The following DLL4 variants were observed in gnomAD, a reference collection of about 807,000 sequenced individuals.
DLL4 encodes delta like canonical Notch ligand 4.
Under a neutral mutation model 73.6 loss-of-function variants are expected in DLL4, and 7 were observed. The ratio of observed to expected loss-of-function variants is 0.10; its 90% CI spans 0.05 to 0.18. The LOEUF (loss-of-function observed/expected upper bound fraction) is 0.18, where lower values mean the gene tolerates loss of function less well. Ranked by LOEUF, DLL4 falls within the 10% of genes least tolerant of loss-of-function variation. The pLI, the probability that DLL4 is intolerant of heterozygous loss-of-function variation, is 1.00. For missense variants in DLL4, 614 were observed against 929.9 expected (o/e 0.66, Z 4.42); for synonymous variants, 345 against 374.3 (o/e 0.92, Z 0.90).
chr15:40,936,381 C>T lies in DLL4; in HGVS notation c.1394C>T (p.Thr465Ile), dbSNP rs974074895. 1.9e-6 allele frequency: 3 copies of T among 1,611,504 alleles called. No individual in the cohort carries two copies. The highest frequency in any genetic ancestry group is 2.7e-5 in the African/African-American group (2 of 74,912). ...GACCTGGAGAATGGGCTCATGTGCA[C>T]CTGCCCTGCCGGCTTCTCTGGCCGA... is the stretch of plus-strand genomic sequence containing the variant. ...CHDLENGLMC[T>I]CPAGFSGRRC... is the part of the protein sequence containing the mutation. Residue 465 changes from threonine (T) to isoleucine (I), a missense_variant, in exon 9 of 11, where the codon ACC becomes ATC. Around this residue, in one of 3 missense-constraint regions of DLL4, gnomAD observed 386 missense variants for 541.3 expected, o/e 0.71. Transcript: ENST00000249749.
intron 8 of DLL4, among the ~76,000 whole-genome samples, chr15:40,935,985 T>C (rs1892838361): frequency 6.6e-6 from 1 of 152,236 alleles, no homozygotes; most frequent in Non-Finnish European, 1.5e-5. Context: ...CTCAAGCCTA[T>C]CTGTCTGATT....
intron 6 of DLL4, among the ~76,000 whole-genome samples, chr15:40,933,436 A>G (rs149721782): frequency 5.3e-5 from 8 of 152,302 alleles, no homozygotes; most frequent in Non-Finnish European, 1.0e-4. Flanking sequence ...TGCAGGCCAT[A>G]TATTTACTCT....
chr15:40,938,022 C>A lies in DLL4; in HGVS notation c.2053-7C>A. 1 of 1,599,620 alleles carries A rather than the reference C, an allele frequency of 6.3e-7. No individual in the cohort carries two copies. The highest frequency in any genetic ancestry group is 8.5e-7 in the Non-Finnish European group (1 of 1,173,558). ...AACCTGTTTCCCTGCCTTCCGCTTGCTCCCAGGTATAAGGCAGGAGCCTAC... is the reference window on the plus strand; with the variant it reads ...AACCTGTTTCCCTGCCTTCCGCTTGATCCCAGGTATAAGGCAGGAGCCTAC... On this transcript the variant is annotated splice_region_variant and splice_polypyrimidine_tract_variant and intron_variant, in intron 10 of 10. Transcript: ENST00000249749.
In DLL4 at chr15:40,932,202, T is replaced by A; in HGVS notation, c.690T>A (p.Asn230Lys). ...GTCTTTCGGGCTGTCATGAACAGAATGGCTACTGCAGCAAGCCAGCAGAGT... is the reference window on the plus strand; with the variant it reads ...GTCTTTCGGGCTGTCATGAACAGAAAGGCTACTGCAGCAAGCCAGCAGAGT... Reference protein sequence around the residue: ...PICLSGCHEQNGYCSKPAECL... With the variant: ...PICLSGCHEQKGYCSKPAECL... Residue 230 changes from asparagine (N) to lysine (K), a missense_variant, in exon 5 of 11, where the codon AAT (asparagine) becomes AAA (lysine). Asn to Lys is a moderately conservative substitution (Grantham distance 94). Coordinates refer to ENST00000249749, the MANE Select transcript of DLL4 (RefSeq NM_019074.4). 6.2e-7 allele frequency: 1 copy of A among 1,614,026 alleles called. No individual in the cohort carries two copies. Among genetic ancestry groups the A allele is most frequent in the Non-Finnish European group, 8.5e-7 (1 of 1,179,892 alleles).
Position 40,938,065 on chromosome 15 carries a change from GC to G in DLL4, c.*35del. On this transcript the variant is annotated 3_prime_UTR_variant, in exon 11 of 11. Transcript: ENST00000249749. Reference sequence around the variant, plus strand: ...GAGCCTACCTGGACATCCCTGCTCAGCCCCGCGGCTGGACCTTCCTTCTGCA... The same window carrying G: ...GAGCCTACCTGGACATCCCTGCTCAGCCCGCGGCTGGACCTTCCTTCTGCA... The G allele has an allele frequency of 6.5e-7, 1 of 1,534,826 alleles. No homozygotes were observed. Among genetic ancestry groups the G allele is most frequent in the South Asian group, 1.3e-5 (1 of 79,324 alleles).
At chr15:40,932,574 AG>A in intron 6 of DLL4, 127 bp downstream of exon 6, 3 of 1,280,272 alleles carry the variant, frequency 2.3e-6, no homozygotes, top group Non-Finnish European at 3.3e-6. Context: ...TGATCTTCCA[AG>A]GATCTTGGGT....
chr15:40,938,086 T>A lies in DLL4; in HGVS notation c.*52T>A. 1 of 1,506,654 alleles carries A rather than the reference T, an allele frequency of 6.6e-7. No individual in the cohort carries two copies. The highest frequency in any genetic ancestry group is 8.9e-7 in the Non-Finnish European group (1 of 1,129,166). 93.3% of individuals were successfully genotyped at this position (1,506,654 alleles called of 1,614,324 possible). ...CTCAGCCCCGCGGCTGGACCTTCCT[T>A]CTGCATTGTTTACATTGCATCCTGG... On this transcript the variant is annotated 3_prime_UTR_variant, in exon 11 of 11. Coordinates refer to ENST00000249749, the MANE Select transcript of DLL4 (RefSeq NM_019074.4).
chr15:40,935,399 C>T (rs910766273), intron 8 of DLL4, among the ~76,000 whole-genome samples: 7 of 152,200 alleles, frequency 4.6e-5, no homozygotes, highest in African/African-American at 1.7e-4. Context: ...TGACCCTCCC[C>T]AGGAAGTCCT....
At position 40,938,418 on chromosome 15, in the gene DLL4, A is replaced by C. The variant is rs1892874518; in HGVS notation, c.*384A>C. 5.4e-6 allele frequency: 1 copy of C among 185,594 alleles called. No homozygotes were observed. Among genetic ancestry groups the C allele is most frequent in the African/African-American group, 2.3e-5 (1 of 42,750 alleles). The allele number at this position is 185,594 out of a possible 1,614,324, so 11.5% of individuals were successfully genotyped here. A position where few individuals can be genotyped will look rare whatever the true frequency, so the allele number is the denominator to read the frequency against. ...GCCTCCACTGGCATCCGTGTTTCCA[A>C]AAGTGCCTTTGGCCCAGGCTCCACG... On this transcript the variant is annotated 3_prime_UTR_variant, in exon 11 of 11. Transcript: ENST00000249749.
Position 40,930,373 on chromosome 15 carries a change from G to T in DLL4, c.337-252G>T. ...GATTTTCATTACCTACCACTCTGGGGCGGTACCCTACCACCCCCTCCTCCA... is the reference window on the plus strand; with the variant it reads ...GATTTTCATTACCTACCACTCTGGGTCGGTACCCTACCACCCCCTCCTCCA... On this transcript the variant is annotated intron_variant, in intron 2 of 10. Transcript: ENST00000249749. This position sits in a 1 kb window ranked among gnomAD's most constrained non-coding sequence, Gnocchi z 5.7. 1 of 635,360 alleles carries T rather than the reference G, an allele frequency of 1.6e-6. No individual in the cohort carries two copies. Among genetic ancestry groups the T allele is most frequent in the Non-Finnish European group, 2.8e-6 (1 of 361,132 alleles). 39.4% of individuals were successfully genotyped at this position (635,360 alleles called of 1,614,324 possible). A position where few individuals can be genotyped will look rare whatever the true frequency, so the allele number is the denominator to read the frequency against.
At position 40,934,591 on chromosome 15, in the gene DLL4, A is replaced by T. The variant is rs768496488; in HGVS notation, c.894A>T (p.Ala298=). Reference sequence around the variant, plus strand: ...ACCACTCCCCATGCAAGAATGGGGCAACGTGCTCCAACAGTGGGCAGCGAA... The same window carrying T: ...ACCACTCCCCATGCAAGAATGGGGCTACGTGCTCCAACAGTGGGCAGCGAA... ...CTHHSPCKNG[A]TCSNSGQRSY... is the part of the protein sequence containing the mutation. The change falls in exon 7 of 11, where the codon GCA becomes GCT. Residue 298 remains alanine (A), a synonymous_variant. Coordinates refer to ENST00000249749, the MANE Select transcript of DLL4 (RefSeq NM_019074.4). 5 of 1,613,898 alleles carry T rather than the reference A, an allele frequency of 3.1e-6. No individual in the cohort carries two copies. The highest frequency in any genetic ancestry group is 4.2e-6 in the Non-Finnish European group (5 of 1,179,864).
rs760931891 is a variant in DLL4, at chr15:40,932,323, C to T, written c.726C>T (p.Arg242=). 2 of 1,614,026 alleles carry T rather than the reference C, an allele frequency of 1.2e-6. No individual in the cohort carries two copies. Among genetic ancestry groups the T allele is most frequent in the Admixed American group, 3.3e-5 (2 of 60,028 alleles). Residue 242 remains arginine (R), a synonymous_variant, in exon 6 of 11, where the codon CGC becomes CGT. Transcript: ENST00000249749. Reference sequence around the variant, plus strand: ...CCTCTCTCTTGTTCCCCAGCTGCCGCCCAGGCTGGCAGGGCCGGCTGTGTA... The same window carrying T: ...CCTCTCTCTTGTTCCCCAGCTGCCGTCCAGGCTGGCAGGGCCGGCTGTGTA... ...YCSKPAECLC[R]PGWQGRLCNE...
intron 9 of DLL4, 51 bp from the exon 10 acceptor site, chr15:40,937,367 C>A (rs1231300178): frequency 2.2e-6 from 3 of 1,347,384 alleles, no homozygotes; most frequent in Admixed American, 1.7e-5. Context: ...CCTCCCTCCC[C>A]CCAAGCCTCT....
At chr15:40,931,309 C>A in intron 3 of DLL4, 194 bp from the exon 4 acceptor site, 1 of 632,498 alleles carries the variant, frequency 1.6e-6, no homozygotes, top group Non-Finnish European at 2.8e-6. Flanking sequence ...CACATGCACA[C>A]ACGTAGGGCA....
chr15:40,931,387 TG>T, intron 3 of DLL4, 115 bp from the exon 4 acceptor site: 1 of 1,297,050 alleles, frequency 7.7e-7, no homozygotes, highest in Non-Finnish European at 1.1e-6. Context: ...TCTGGATAAC[TG>T]GGCTGATTGG....
In DLL4 at chr15:40,932,063, A is replaced by G. The variant is rs550176460; in HGVS notation, c.659-108A>G. The G allele has an allele frequency of 1.9e-4, 247 of 1,326,666 alleles. 2 individuals are homozygous for G. Among genetic ancestry groups the G allele is most frequent in the Middle Eastern group, 1.5e-3 (8 of 5,290 alleles). 82.2% of individuals were successfully genotyped at this position (1,326,666 alleles called of 1,614,324 possible). A position where few individuals can be genotyped will look rare whatever the true frequency, so the allele number is the denominator to read the frequency against. On this transcript the variant is annotated intron_variant, in intron 4 of 10. Coordinates refer to ENST00000249749, the MANE Select transcript of DLL4 (RefSeq NM_019074.4). The stretch of plus-strand genomic sequence containing the variant: ...GGGGCTCCTCTGGGAGGCCAGGAGT[A>G]GGAAGAGGGCCCAGGAGAGCTAGGG...
rs753625901 is a variant in DLL4 at position 40,929,809 on chromosome 15, C to T, written c.67-38C>T. ...AGCCCCGGGCACCAGCTGAGCTGAC[C>T]GGTCCCCTCCCTCCTTCCCTCGGTC... is the stretch of plus-strand genomic sequence containing the variant. On this transcript the variant is annotated intron_variant, in intron 1 of 10. Transcript: ENST00000249749. This position sits in a 1 kb window ranked among gnomAD's most constrained non-coding sequence, Gnocchi z 7.1. The T allele has an allele frequency of 6.2e-7, 1 of 1,608,486 alleles. No individual in the cohort carries two copies. Among genetic ancestry groups the T allele is most frequent in the Non-Finnish European group, 8.5e-7 (1 of 1,179,394 alleles).
rs1892848117 is a variant in DLL4 at position 40,936,552 on chromosome 15, G to A, written c.1565G>A (p.Gly522Asp). The A allele has an allele frequency of 6.2e-7, 1 of 1,609,810 alleles. No individual in the cohort carries two copies. The highest frequency in any genetic ancestry group is 8.5e-7 in the Non-Finnish European group (1 of 1,178,696). Residue 522 changes from glycine (G) to aspartate (D), a missense_variant, in exon 9 of 11, where the codon GGC becomes GAC. Gly to Asp is a moderately conservative substitution (Grantham distance 94). Transcript: ENST00000249749. ...FVGSRCEFPV[G>D]LPPSFPWVAV... ...GGCAGCCGCTGCGAGTTCCCCGTGG[G>A]CTTGCCGCCCAGCTTCCCCTGGGTG... is the stretch of plus-strand genomic sequence containing the variant.
chr15:40,931,280 A>T, intron 3 of DLL4: 1 of 589,988 alleles, frequency 1.7e-6, no homozygotes, highest in Admixed American at 3.0e-5. Context: ...CCCCTTTTTG[A>T]ATACTATCAG....
Sources: gnomAD v4.1 joint callset for allele counts (sites outside exome capture counted in the v4.1 genomes callset) on GRCh38, gnomAD v4.1.1 for gene constraint, gnomAD v4.1.1 regional missense constraint, Gnocchi (gnomAD v3.1) non-coding constraint, MANE v1.5 for transcripts, NCBI Gene and HGNC (gene_info 2026-07-23, HGNC 2026-07-21) for gene names.